C1QTNF3: variants seen among roughly 807,000 people sequenced by gnomAD.
The protein encoded by C1QTNF3 is complement C1q tumor necrosis factor-related protein 3.
C1QTNF3 carries 26 observed loss-of-function variants against 32.6 expected under a neutral mutation model. The ratio of observed to expected loss-of-function variants is 0.80; its 90% CI spans 0.58 to 1.11. The LOEUF is 1.11. Ranked by LOEUF, C1QTNF3 falls within the 50% of genes least tolerant of loss-of-function variation. The pLI is 0.00. For synonymous variants in C1QTNF3, 155 were observed against 146.0 expected (o/e 1.06, Z -0.44); for missense variants, 362 against 398.2 (o/e 0.91, Z 0.77).
intron 3 of C1QTNF3, among the ~76,000 whole-genome samples, chr5:34,030,336 C>T (rs1364745075): frequency 6.6e-6 from 1 of 152,204 alleles, no homozygotes. Context: ...GAAACCTGCT[C>T]ACGGTGGCAA....
At chr5:34,179,353 G>A in the C1QTNF3 span, among the ~76,000 whole-genome samples, 2 of 152,310 alleles carry the variant, frequency 1.3e-5, no homozygotes, top group African/African-American at 4.8e-5. Flanking sequence ...TTAGTGGCAC[G>A]CATCTGTAAC....
At chr5:34,088,317 C>G in the C1QTNF3 span, among the ~76,000 whole-genome samples, 2 of 152,246 alleles carry the variant, frequency 1.3e-5, no homozygotes, top group Non-Finnish European at 2.9e-5. Context: ...TTTTTCATCT[C>G]TATGTCATAT....
At chr5:34,211,746 AT>A in the C1QTNF3 span, among the ~76,000 whole-genome samples, 1 of 151,924 alleles carries the variant, frequency 6.6e-6, no homozygotes, top group Non-Finnish European at 1.5e-5. Flanking sequence ...GCTGCATAGT[AT>A]TCCATGGTGT....
chr5:34,234,369 A>G, the C1QTNF3 span, among the ~76,000 whole-genome samples: 1 of 152,182 alleles, frequency 6.6e-6, no homozygotes, highest in Non-Finnish European at 1.5e-5. Context: ...TACTTTGTAT[A>G]TATCACCATT....
chr5:34,211,070 C>G, the C1QTNF3 span, among the ~76,000 whole-genome samples: 1 of 150,932 alleles, frequency 6.6e-6, no homozygotes, highest in South Asian at 2.1e-4. Context: ...ATTGACTCTA[C>G]CTATTATGTT....
At position 34,042,871 on chromosome 5, in the gene C1QTNF3, C is replaced by A. The variant is rs144445678; in HGVS notation, c.255G>T (p.Pro85=). 29 of 1,613,994 alleles carry A rather than the reference C, an allele frequency of 1.8e-5. No homozygotes were observed. The East Asian group carries it at 6.0e-4, about 33-fold the overall frequency. ...DLKSLRPDEL[P]HPEVDDLAQI... ...GGGCTAGGTCATCTACCTCGGGGTGCGGTAGCTCATCTGGTCTCAGGGATT... is the reference window on the plus strand; with the variant it reads ...GGGCTAGGTCATCTACCTCGGGGTGAGGTAGCTCATCTGGTCTCAGGGATT... Residue 85 remains proline, a synonymous_variant, in exon 1 of 6, where the codon CCG becomes CCT. Coordinates refer to ENST00000382065, the MANE Select transcript of C1QTNF3 (RefSeq NM_181435.6).
the C1QTNF3 span, among the ~76,000 whole-genome samples, chr5:34,177,955 C>A: frequency 3.2e-4 from 49 of 152,094 alleles, no homozygotes; most frequent in African/African-American, 1.2e-3. Flanking sequence ...GACCTAGACC[C>A]TCTCGAGTTT....
At chr5:34,183,322 A>ATTTTTTTTTTTTTT in the C1QTNF3 span, among the ~76,000 whole-genome samples, 35 of 129,210 alleles carry the variant, frequency 2.7e-4, no homozygotes, top group South Asian at 4.8e-4. Flanking sequence ...TAATTTTTTA[A>ATTTTTTTTTTTTTT]TTTTCTTTTT....
the C1QTNF3 span, chr5:34,168,533 C>T: frequency 7.3e-5 from 11 of 151,654 alleles, no homozygotes; most frequent in African/African-American, 2.4e-4. Context: ...CAGATAGTAG[C>T]ACAATACTTA....
At chr5:34,183,198 T>C in the C1QTNF3 span, among the ~76,000 whole-genome samples, 1 of 152,150 alleles carries the variant, frequency 6.6e-6, no homozygotes. Context: ...AGGATGGTCT[T>C]GATCTCCTGA....
At chr5:34,154,758 A>C in the C1QTNF3 span, among the ~76,000 whole-genome samples, 3 of 152,178 alleles carry the variant, frequency 2.0e-5, no homozygotes, top group Non-Finnish European at 4.4e-5. Flanking sequence ...AGCTAGAGAT[A>C]CACTTAAAGA....
At chr5:34,088,938 A>AT in the C1QTNF3 span, among the ~76,000 whole-genome samples, 68 of 150,434 alleles carry the variant, frequency 4.5e-4, no homozygotes, top group South Asian at 6.4e-4. Flanking sequence ...TTATGCCTGT[A>AT]TTTTTTTTTG....
the C1QTNF3 span, among the ~76,000 whole-genome samples, chr5:34,182,330 T>A: frequency 6.6e-6 from 1 of 152,304 alleles, no homozygotes; most frequent in Non-Finnish European, 1.5e-5. Context: ...ACAAAAAAAA[T>A]TTTTTTAATT....
At chr5:34,202,396 T>C in the C1QTNF3 span, among the ~76,000 whole-genome samples, 2 of 152,114 alleles carry the variant, frequency 1.3e-5, no homozygotes, top group African/African-American at 4.8e-5. Context: ...TGATATCTCC[T>C]AAGCATTATT....
At chr5:34,122,660 A>G in the C1QTNF3 span, among the ~76,000 whole-genome samples, 2 of 152,364 alleles carry the variant, frequency 1.3e-5, no homozygotes, top group South Asian at 2.1e-4. Flanking sequence ...CAGCCTATCT[A>G]CATTGGAAAG....
At chr5:34,140,756 A>C in the C1QTNF3 span, among the ~76,000 whole-genome samples, 1 of 152,284 alleles carries the variant, frequency 6.6e-6, no homozygotes, top group East Asian at 1.9e-4. Context: ...GAAAGATGAT[A>C]CACACATGCA....
chr5:34,223,987 C>T, the C1QTNF3 span, among the ~76,000 whole-genome samples: 29 of 152,034 alleles, frequency 1.9e-4, no homozygotes, highest in African/African-American at 6.3e-4. Flanking sequence ...AAAAATCACA[C>T]GCATTTGTAT....
the C1QTNF3 span, among the ~76,000 whole-genome samples, chr5:34,069,771 C>A: frequency 6.6e-6 from 1 of 152,090 alleles, no homozygotes; most frequent in Admixed American, 6.6e-5. Context: ...AGCATATTCA[C>A]AATCAGAAAT....
At chr5:34,231,699 T>A in the C1QTNF3 span, among the ~76,000 whole-genome samples, 2 of 152,056 alleles carry the variant, frequency 1.3e-5, no homozygotes, top group African/African-American at 4.8e-5. Context: ...AGTTGAGGTT[T>A]GGGAACCTCC....
Sources: allele counts gnomAD v4.1 joint callset (sites outside exome capture counted in the v4.1 genomes callset), GRCh38; gene constraint gnomAD v4.1.1; transcripts MANE v1.5; gene names NCBI Gene and HGNC (gene_info 2026-07-23, HGNC 2026-07-21).